The following IPMK variants were observed in gnomAD, a reference collection of about 807,000 sequenced individuals.
IPMK encodes the protein inositol 1,3,4,6-tetrakisphosphate 5-kinase.
A neutral mutation model predicts 45.8 loss-of-function variants in IPMK; 17 were observed. The observed-to-expected ratio is 0.37, with a 90% CI of 0.25 to 0.56. The LOEUF is 0.56. IPMK is among the 20% of genes least tolerant of loss of function. The probability of loss-of-function intolerance (pLI) is 0.79; values close to 1 mark genes in which losing one functional copy is unlikely to be tolerated. For missense variants in IPMK, 399 were observed against 498.0 expected (o/e 0.80, Z 1.89); for synonymous variants, 180 against 184.3 (o/e 0.98, Z 0.19).
intron 1 of IPMK, among the ~76,000 whole-genome samples, chr10:58,253,754 A>AAG (rs1564540286): frequency 7.0e-6 from 1 of 143,418 alleles, no homozygotes; most frequent in African/African-American, 2.7e-5. Flanking sequence ...AAAAAAAGAA[A>AAG]AAAAAAGAAA....
intron 1 of IPMK, among the ~76,000 whole-genome samples, chr10:58,265,665 T>C (rs1839137251): frequency 6.6e-6 from 1 of 152,074 alleles, no homozygotes; most frequent in Non-Finnish European, 1.5e-5. Context: ...CCTTATGAAA[T>C]TGCAAAAAAA....
chr10:58,253,334 C>G (rs1432443265), intron 1 of IPMK, among the ~76,000 whole-genome samples: 1 of 152,176 alleles, frequency 6.6e-6, no homozygotes, highest in Non-Finnish European at 1.5e-5. Context: ...AGCATGAGAA[C>G]AGACTAATAC....
chr10:58,263,900 A>G (rs1342640872), intron 1 of IPMK, among the ~76,000 whole-genome samples: 1 of 152,242 alleles, frequency 6.6e-6, no homozygotes. Flanking sequence ...CTTCAAAATG[A>G]CAATGTCATA....
chr10:58,222,478 A>C (rs1838352492), intron 3 of IPMK, among the ~76,000 whole-genome samples: 1 of 152,204 alleles, frequency 6.6e-6, no homozygotes, highest in Non-Finnish European at 1.5e-5. Flanking sequence ...TGAGTCCTGC[A>C]GAAGTCTAAG....
intron 1 of IPMK, among the ~76,000 whole-genome samples, chr10:58,263,562 A>G (rs889836031): frequency 4.6e-5 from 7 of 151,644 alleles, no homozygotes; most frequent in African/African-American, 1.5e-4. Context: ...GTGTGCACCT[A>G]TACTCCCGGC....
intron 5 of IPMK, among the ~76,000 whole-genome samples, chr10:58,197,326 A>AATAAATACATACATACATACATAC (rs764500371): frequency 9.9e-4 from 145 of 146,512 alleles, no homozygotes; most frequent in African/African-American, 3.4e-3. Context: ...TAAATAAATA[A>AATAAATACATACATACATACATAC]ATACATAAAT....
At chr10:58,233,250 G>C (rs1452577471) in intron 2 of IPMK, among the ~76,000 whole-genome samples, 1 of 152,100 alleles carries the variant, frequency 6.6e-6, no homozygotes, top group Admixed American at 6.5e-5. Flanking sequence ...GTACAAAGAG[G>C]AGCTGGTACC....
intron 5 of IPMK, among the ~76,000 whole-genome samples, chr10:58,197,426 G>A (rs1432464925): frequency 3.3e-5 from 5 of 151,190 alleles, no homozygotes; most frequent in African/African-American, 9.7e-5. Flanking sequence ...CGAGGTGGGC[G>A]GATCACGAGG....
intron 1 of IPMK, among the ~76,000 whole-genome samples, chr10:58,246,498 C>T (rs1486978744): frequency 4.2e-5 from 6 of 142,740 alleles, no homozygotes; most frequent in Admixed American, 1.3e-4. Context: ...GAAATAACGC[C>T]GCATATCTAC....
chr10:58,247,243 G>A (rs1838815327), intron 1 of IPMK, among the ~76,000 whole-genome samples: 1 of 149,564 alleles, frequency 6.7e-6, no homozygotes, highest in Non-Finnish European at 1.5e-5. Context: ...GGAAGTCAGT[G>A]TGGCGATTCC....
rs11393849 is a variant in IPMK at position 58,217,688 on chromosome 10, C to CAAAAAAAAAAAAAAAAAAAAAAAAAA, written c.374-1372_374-1371insTTTTTTTTTTTTTTTTTTTTTTTTTT. 6.1e-5 allele frequency among the ~76,000 whole-genome samples: 3 copies of CAAAAAAAAAAAAAAAAAAAAAAAAAA among 49,264 alleles called. 1 individual carries two copies. Among genetic ancestry groups the CAAAAAAAAAAAAAAAAAAAAAAAAAA allele is most frequent in the Non-Finnish European group, 1.1e-4 (3 of 28,096 alleles). 32.3% of individuals were successfully genotyped at this position (49,264 alleles called of 152,430 possible). On this transcript the variant is annotated intron_variant, in intron 3 of 5. Coordinates refer to ENST00000373935, the MANE Select transcript of IPMK (RefSeq NM_152230.5). The stretch of plus-strand genomic sequence containing the variant: ...GGGCAACAAGAGCAAAACTCCATCT[C>CAAAAAAAAAAAAAAAAAAAAAAAAAA]AAAAAAAAAAAAAAAAAAAAAGAAT...
chr10:58,205,654 T>C (rs921230138), intron 4 of IPMK, among the ~76,000 whole-genome samples: 7 of 152,060 alleles, frequency 4.6e-5, no homozygotes, highest in Non-Finnish European at 1.0e-4. Flanking sequence ...AGTAATACAA[T>C]TGACTTTAGA....
chr10:58,252,436 GTTTT>G (rs201330209), intron 1 of IPMK, among the ~76,000 whole-genome samples: 57 of 129,992 alleles, frequency 4.4e-4, no homozygotes, highest in African/African-American at 1.1e-3. Context: ...GAATTTGACT[GTTTT>G]TTTTTTTTTT....
At position 58,267,470 on chromosome 10, in the gene IPMK, G is replaced by A. The variant is rs759116911; in HGVS notation, c.142C>T (p.Pro48Ser). ...GRLRFLNGCV[P>S]LSHQVAGHMY... ...TGCCCGGCCACCTGATGCGAGAGGG[G>A]CACGCAGCCGTTGAGGAAGCGGAGT... Residue 48 changes from proline to serine, a missense_variant, in exon 1 of 6, where the codon CCC becomes TCC. Pro to Ser is a moderately conservative substitution (Grantham distance 74, BLOSUM62 -1). Coordinates refer to ENST00000373935, the MANE Select transcript of IPMK (RefSeq NM_152230.5). 1.9e-6 allele frequency: 3 copies of A among 1,613,550 alleles called. No individual in the cohort carries two copies. The highest frequency in any genetic ancestry group is 2.2e-5 in the East Asian group (1 of 44,876).
intron 2 of IPMK, among the ~76,000 whole-genome samples, chr10:58,234,493 T>C (rs538869390): frequency 6.6e-6 from 1 of 151,594 alleles, no homozygotes. Context: ...CAGAACAGAG[T>C]CCTCAGAAAG....
At chr10:58,243,196 A>C (rs1292471649) in intron 1 of IPMK, among the ~76,000 whole-genome samples, 1 of 152,228 alleles carries the variant, frequency 6.6e-6, no homozygotes, top group Non-Finnish European at 1.5e-5. Context: ...ATAGCTGAGA[A>C]GTGGAAGCAA....
chr10:58,222,961 C>G (rs979312465), intron 3 of IPMK, among the ~76,000 whole-genome samples: 2 of 152,092 alleles, frequency 1.3e-5, no homozygotes, highest in African/African-American at 4.8e-5. Flanking sequence ...GATGCAAAGG[C>G]ATAAGAACAA....
intron 5 of IPMK, 149 bp downstream of exon 5, chr10:58,199,091 A>C: frequency 1.9e-6 from 1 of 533,590 alleles, no homozygotes; most frequent in Non-Finnish European, 3.3e-6. Flanking sequence ...GCTTATGGTT[A>C]ATCCAATTCT....
intron 2 of IPMK, among the ~76,000 whole-genome samples, 181 bp downstream of exon 2, chr10:58,237,543 AAATAG>A (rs1360455567): frequency 5.3e-5 from 8 of 152,236 alleles, no homozygotes; most frequent in African/African-American, 1.4e-4. Flanking sequence ...CTAAGAACTG[AAATAG>A]AATAGAAAAT....
Sources: gnomAD v4.1 joint callset for allele counts (sites outside exome capture counted in the v4.1 genomes callset) on GRCh38, gnomAD v4.1.1 for gene constraint, MANE v1.5 for transcripts, NCBI Gene and HGNC (gene_info 2026-07-23, HGNC 2026-07-21) for gene names.